The following GRIK1 variants were observed in gnomAD, a reference collection of about 807,000 sequenced individuals.
GRIK1 encodes the protein glutamate receptor ionotropic, kainate 1.
A neutral mutation model predicts 105.7 loss-of-function variants in GRIK1; 69 were observed. The observed-to-expected ratio is 0.65, with a 90% CI of 0.54 to 0.80. The LOEUF (loss-of-function observed/expected upper bound fraction) is 0.80, where lower values mean the gene tolerates loss of function less well. GRIK1 is among the 30% of genes least tolerant of loss of function. The pLI is 0.00. For missense variants in GRIK1, 1,109 were observed against 1,167.3 expected (o/e 0.95, Z 0.73); for synonymous variants, 438 against 431.3 (o/e 1.02, Z -0.19).
At chr21:29,730,966 G>C (rs2064608681) in intron 1 of GRIK1, among the ~76,000 whole-genome samples, 1 of 152,198 alleles carries the variant, frequency 6.6e-6, no homozygotes, top group Non-Finnish European at 1.5e-5. Context: ...CTAAAGAACT[G>C]AGATTCCTGG....
Position 29,560,499 on chromosome 21 carries a change from C to CTTTTCTTTT in GRIK1, c.2356+1124_2356+1125insAAAAGAAAA, listed in dbSNP as rs1247459732. Among the ~76,000 whole-genome samples, 53 of 12,028 alleles carry CTTTTCTTTT rather than the reference C, an allele frequency of 4.4e-3. 7 individuals are homozygous for CTTTTCTTTT. The highest frequency in any genetic ancestry group is 0.023 in the African/African-American group (51 of 2,200). The allele number at this position is 12,028 out of a possible 152,430, so 7.9% of individuals were successfully genotyped here. ...TCTCTCTCCCTTTCTTTCTTTCTTT[C>CTTTTCTTTT]CTTCCTTCCTTCCTTCCTTCCTTTC... is the stretch of plus-strand genomic sequence containing the variant. On this transcript the variant is annotated intron_variant, in intron 15 of 17. Coordinates refer to ENST00000327783, the MANE Select transcript of GRIK1 (RefSeq NM_001330994.2).
At chr21:29,855,207 G>A (rs565733287) in intron 1 of GRIK1, among the ~76,000 whole-genome samples, 12 of 152,236 alleles carry the variant, frequency 7.9e-5, no homozygotes, top group Admixed American at 5.9e-4. Context: ...TGGTGAAAAA[G>A]CTAATTCCTA....
chr21:29,913,391 T>A (rs2070885608), intron 1 of GRIK1, among the ~76,000 whole-genome samples: 1 of 152,186 alleles, frequency 6.6e-6, no homozygotes, highest in Non-Finnish European at 1.5e-5. Context: ...TACATATACT[T>A]ATGTACTTTT....
intron 16 of GRIK1, among the ~76,000 whole-genome samples, chr21:29,541,649 T>G (rs1383975404): frequency 2.0e-5 from 3 of 148,314 alleles, no homozygotes; most frequent in African/African-American, 7.4e-5. Flanking sequence ...AGCCATCTGA[T>G]GCACATCTGT....
chr21:29,929,546 AT>A (rs939877562), intron 1 of GRIK1, among the ~76,000 whole-genome samples: 4 of 152,122 alleles, frequency 2.6e-5, no homozygotes, highest in South Asian at 2.1e-4. Context: ...TTTTGTGTGC[AT>A]TTTTTGCTTA....
chr21:29,872,009 C>T (rs1199573592), intron 1 of GRIK1, among the ~76,000 whole-genome samples: 1 of 147,576 alleles, frequency 6.8e-6, no homozygotes, highest in Non-Finnish European at 1.5e-5. Flanking sequence ...AGCAATCCAT[C>T]CACCCCAGCC....
intron 4 of GRIK1, among the ~76,000 whole-genome samples, chr21:29,659,819 G>A (rs1031395372): frequency 2.0e-5 from 3 of 151,988 alleles, no homozygotes; most frequent in African/African-American, 2.4e-5. Context: ...AAAATTAGTC[G>A]GCAGTGGTGG....
At chr21:29,674,176 G>A (rs768704655) in intron 3 of GRIK1, among the ~76,000 whole-genome samples, 9 of 150,990 alleles carry the variant, frequency 6.0e-5, no homozygotes, top group Admixed American at 2.6e-4. Context: ...GATGAAAATT[G>A]TGATATGCTC....
At chr21:29,921,400 T>A (rs1320031902) in intron 1 of GRIK1, among the ~76,000 whole-genome samples, 2 of 152,192 alleles carry the variant, frequency 1.3e-5, no homozygotes, top group African/African-American at 2.4e-5. Flanking sequence ...GATTATTAAT[T>A]CAAATTGTTG....
At chr21:29,618,372 T>C (rs981963219) in intron 7 of GRIK1, among the ~76,000 whole-genome samples, 7 of 152,074 alleles carry the variant, frequency 4.6e-5, no homozygotes, top group African/African-American at 1.7e-4. Context: ...GATGGTGGTG[T>C]GGATGCAATG....
At chr21:29,550,319 G>A (rs1159350895) in intron 16 of GRIK1, among the ~76,000 whole-genome samples, 3 of 152,026 alleles carry the variant, frequency 2.0e-5, no homozygotes, top group Non-Finnish European at 4.4e-5. Flanking sequence ...ATTCTAAGTG[G>A]AAAGGGTCTG....
At chr21:29,628,267 C>T (rs2062178745) in intron 7 of GRIK1, among the ~76,000 whole-genome samples, 1 of 152,076 alleles carries the variant, frequency 6.6e-6, no homozygotes, top group Non-Finnish European at 1.5e-5. Flanking sequence ...ATAAACATAA[C>T]CTTTAGACCA....
chr21:29,568,858 T>A (rs1262509870), intron 14 of GRIK1, among the ~76,000 whole-genome samples: 1 of 152,246 alleles, frequency 6.6e-6, no homozygotes, highest in African/African-American at 2.4e-5. Flanking sequence ...CTAACCTCAG[T>A]ACTGACCATA....
At chr21:29,573,360 A>G (rs1366995087) in intron 14 of GRIK1, among the ~76,000 whole-genome samples, 1 of 152,214 alleles carries the variant, frequency 6.6e-6, no homozygotes, top group Non-Finnish European at 1.5e-5. Context: ...AACATGTCGT[A>G]ATGTAGTCAT....
At chr21:29,778,916 GA>G (rs1265489787) in intron 1 of GRIK1, among the ~76,000 whole-genome samples, 1 of 151,412 alleles carries the variant, frequency 6.6e-6, no homozygotes, top group Admixed American at 6.6e-5. Context: ...AGGGCTTTTC[GA>G]AAAAAAGGGA....
In GRIK1 at chr21:29,659,584, G is replaced by A. The variant is rs75741992; in HGVS notation, c.727-4721C>T. On this transcript the variant is annotated intron_variant, in intron 4 of 17. Transcript: ENST00000327783. ...GCTACTGTACATGGAAATGCCACAA[G>A]ACTATTCCATTGTTCCAGTAGCTAA... 8.4e-3 allele frequency among the ~76,000 whole-genome samples: 1,285 copies of A among 152,220 alleles called. 21 individuals are homozygous for A. The highest frequency in any genetic ancestry group is 0.029 in the African/African-American group (1,213 of 41,530).
chr21:29,738,190 A>G (rs1238979784), intron 1 of GRIK1, among the ~76,000 whole-genome samples: 2 of 152,242 alleles, frequency 1.3e-5, no homozygotes, highest in Non-Finnish European at 2.9e-5. Context: ...CCACTTGGGA[A>G]ATTTTGCTGA....
At chr21:29,779,365 CGT>C (rs1426211455) in intron 1 of GRIK1, among the ~76,000 whole-genome samples, 1 of 141,608 alleles carries the variant, frequency 7.1e-6, no homozygotes, top group Admixed American at 7.1e-5. Context: ...TGTGTGTGCA[CGT>C]GTGTGTGTGC....
intron 4 of GRIK1, among the ~76,000 whole-genome samples, chr21:29,658,158 C>T (rs1462919969): frequency 6.6e-6 from 1 of 152,102 alleles, no homozygotes; most frequent in Non-Finnish European, 1.5e-5. Flanking sequence ...ATGTCACACA[C>T]ACTAAAATGT....
Sources: gnomAD v4.1 joint callset for allele counts (sites outside exome capture counted in the v4.1 genomes callset) on GRCh38, gnomAD v4.1.1 for gene constraint, MANE v1.5 for transcripts, NCBI Gene and HGNC (gene_info 2026-07-23, HGNC 2026-07-21) for gene names.